DNAH3: variants seen among roughly 807,000 people sequenced by gnomAD.
The protein encoded by DNAH3 is axonemal beta dynein heavy chain 3.
DNAH3 carries 332 observed loss-of-function variants against 432.5 expected under a neutral mutation model. The observed-to-expected ratio is 0.77, with a 90% CI of 0.70 to 0.84. DNAH3 has a LOEUF of 0.84. DNAH3 is among the 40% of genes least tolerant of loss of function. The pLI, the probability that DNAH3 is intolerant of heterozygous loss-of-function variation, is 0.00. For synonymous variants in DNAH3, 1,956 were observed against 1,900.2 expected, an observed-to-expected ratio of 1.03 and a Z score of -0.76; for missense variants, 4,861 against 5,114.0, an observed-to-expected ratio of 0.95 and a Z score of 1.51.
chr16:21,085,206 C>A (rs1022907904), intron 19 of DNAH3, among the ~76,000 whole-genome samples: 2 of 151,864 alleles, frequency 1.3e-5, no homozygotes, highest in Non-Finnish European at 2.9e-5. Context: ...TAGTAAGACC[C>A]CCCCCATCTC....
chr16:21,053,217 C>G (rs934631148), intron 28 of DNAH3, among the ~76,000 whole-genome samples: 1 of 152,188 alleles, frequency 6.6e-6, no homozygotes, highest in Non-Finnish European at 1.5e-5. Flanking sequence ...ATAAAAAACC[C>G]TGCAGGGAAG....
At chr16:21,069,362 GA>G in intron 23 of DNAH3, 52 bp downstream of exon 23, 1 of 1,513,836 alleles carries the variant, frequency 6.6e-7, no homozygotes, top group Non-Finnish European at 9.1e-7. Flanking sequence ...AATGCATAAT[GA>G]GGAAACATTT....
intron 24 of DNAH3, among the ~76,000 whole-genome samples, chr16:21,065,397 G>A (rs114417862): frequency 0.012 from 1,764 of 152,202 alleles, 35 homozygotes; most frequent in African/African-American, 0.04. Flanking sequence ...CCAGCCTCAC[G>A]TGATCTGCCC....
chr16:20,933,334 T>G, exon 62 of DNAH3: 1 of 1,614,144 alleles, frequency 6.2e-7, no homozygotes, highest in Non-Finnish European at 8.5e-7. Flanking sequence ...GCAGAAACAT[T>G]GCGCTCTCCC....
chr16:20,991,039 AC>A (rs1430876858), intron 44 of DNAH3, among the ~76,000 whole-genome samples: 1 of 151,530 alleles, frequency 6.6e-6, no homozygotes, highest in Non-Finnish European at 1.5e-5. Flanking sequence ...CAAACAAAAA[AC>A]AAAACAAAAC....
chr16:21,136,573 C>T, intron 5 of DNAH3, 60 bp from the exon 7 acceptor site: 11 of 1,512,456 alleles, frequency 7.3e-6, no homozygotes, highest in South Asian at 1.1e-5. Context: ...GTTCAACTGT[C>T]CTGCCCATCA....
At chr16:21,035,519 A>G (rs2089124079) in intron 35 of DNAH3, among the ~76,000 whole-genome samples, 1 of 152,140 alleles carries the variant, frequency 6.6e-6, no homozygotes, top group Non-Finnish European at 1.5e-5. Flanking sequence ...ACTTTGAAAT[A>G]TATCAAAAAG....
At chr16:21,023,455 G>C (rs1399507025) in intron 39 of DNAH3, among the ~76,000 whole-genome samples, 1 of 152,194 alleles carries the variant, frequency 6.6e-6, no homozygotes, top group African/African-American at 2.4e-5. Context: ...ATAGGGTAAA[G>C]AAGCCTTCCT....
chr16:20,997,136 G>A, intron 44 of DNAH3, 147 bp downstream of exon 44: 1 of 674,280 alleles, frequency 1.5e-6, no homozygotes, highest in East Asian at 2.7e-5. Flanking sequence ...CCAACATGAA[G>A]CCTGTAGCCT....
At chr16:20,992,291 T>C (rs572805502) in intron 44 of DNAH3, among the ~76,000 whole-genome samples, 1 of 152,342 alleles carries the variant, frequency 6.6e-6, no homozygotes, top group South Asian at 2.1e-4. Flanking sequence ...TAATCTTTGA[T>C]AGCTTTCTCA....
At chr16:20,985,663 C>T in exon 48 of DNAH3, 1 of 1,614,154 alleles carries the variant, frequency 6.2e-7, no homozygotes, top group Non-Finnish European at 8.5e-7. Flanking sequence ...AAAGAAGAGG[C>T]TTCGAATGTT....
At chr16:21,016,303 TA>T (rs2087853144) in intron 41 of DNAH3, among the ~76,000 whole-genome samples, 1 of 152,104 alleles carries the variant, frequency 6.6e-6, no homozygotes, top group African/African-American at 2.4e-5. Flanking sequence ...AACTAGGAGA[TA>T]AAAGTACAGA....
chr16:21,070,936 G>C, intron 21 of DNAH3, 110 bp from the exon 22 acceptor site: 1 of 687,940 alleles, frequency 1.5e-6, no homozygotes, highest in Middle Eastern at 4.2e-4. Context: ...CCAGGCCTGA[G>C]TGCAATGGCT....
At chr16:20,935,358 A>G (rs559395952) in exon 61 of DNAH3, 5 of 1,614,036 alleles carry the variant, frequency 3.1e-6, no homozygotes, top group East Asian at 2.2e-5. Context: ...CTCAAACTCA[A>G]ATCCAATGTG....
intron 40 of DNAH3, among the ~76,000 whole-genome samples, chr16:21,020,350 A>ATATATATATATATATATATAAAATCAT (rs1567647528): frequency 8.6e-5 from 1 of 11,620 alleles, no homozygotes; most frequent in African/African-American, 6.7e-4. Flanking sequence ...TAGTGTGTGT[A>ATATATATATATATATATATAAAATCAT]TATATATATA....
chr16:21,156,224 A>ATT (rs1222835757), intron 1 of DNAH3, among the ~76,000 whole-genome samples: 2 of 142,306 alleles, frequency 1.4e-5, no homozygotes, highest in East Asian at 2.0e-4. Flanking sequence ...ATTTTATTTT[A>ATT]TTATTTTATT....
At chr16:21,132,425 C>T (rs10852249) in intron 7 of DNAH3, among the ~76,000 whole-genome samples, 42,898 of 152,092 alleles carry the variant, frequency 0.28, 6,187 homozygotes, top group African/African-American at 0.34. Flanking sequence ...GTGTCTTCAT[C>T]CTCTCACCAG....
intron 53 of DNAH3, among the ~76,000 whole-genome samples, chr16:20,962,334 C>T (rs1267511275): frequency 3.3e-5 from 5 of 152,128 alleles, no homozygotes; most frequent in Non-Finnish European, 7.4e-5. Flanking sequence ...AAACACAATT[C>T]GTGGGTCTCA....
At chr16:20,984,799 A>C (rs937806149) in intron 48 of DNAH3, among the ~76,000 whole-genome samples, 1 of 152,076 alleles carries the variant, frequency 6.6e-6, no homozygotes, top group Non-Finnish European at 1.5e-5. Context: ...TGGGAGGCAG[A>C]GGTTGCAGTG....
Sources: gnomAD v4.1 joint callset for allele counts (sites outside exome capture counted in the v4.1 genomes callset) on GRCh38, gnomAD v4.1.1 for gene constraint, MANE v1.5 for transcripts, NCBI Gene and HGNC (gene_info 2026-07-23, HGNC 2026-07-21) for gene names.